PRKN: variants seen among roughly 807,000 people sequenced by gnomAD.
PRKN encodes the protein parkin RBR E3 ubiquitin protein ligase.
PRKN carries 56 observed loss-of-function variants against 59.5 expected under a neutral mutation model. That is an observed-to-expected ratio of 0.94 (90% CI 0.76 to 1.18). PRKN has a LOEUF of 1.18. Among genes scored for constraint, PRKN ranks in the 50% most tolerant of loss-of-function variants. The pLI is 0.00. For synonymous variants in PRKN, 250 were observed against 222.1 expected (o/e 1.13, Z -1.12); for missense variants, 657 against 596.4 (o/e 1.10, Z -1.06).
In PRKN at chr6:161,423,157, T is replaced by C. The variant is rs907731062; in HGVS notation, c.1084-36280A>G. 6.6e-6 allele frequency among the ~76,000 whole-genome samples: 1 copy of C among 152,170 alleles called. No individual in the cohort carries two copies. Among genetic ancestry groups the C allele is most frequent in the African/African-American group, 2.4e-5 (1 of 41,426 alleles). On this transcript the variant is annotated intron_variant, in intron 9 of 11. Transcript: ENST00000366898. The surrounding 1 kb of genome is among the most constrained non-coding windows in gnomAD (Gnocchi z 5.9). ...CTGCACTGGGTGTGAGATATCAGCA[T>C]CTTTAATGTATGCCAGCCTTGCATG...
chr6:162,661,143 C>T (rs1291780229), intron 1 of PRKN, among the ~76,000 whole-genome samples: 1 of 152,024 alleles, frequency 6.6e-6, no homozygotes, highest in Non-Finnish European at 1.5e-5. Context: ...TGCCTGTAGT[C>T]CCAGCTACTC....
At chr6:162,725,951 GGAGT>G (rs540238881) in intron 1 of PRKN, among the ~76,000 whole-genome samples, 17 of 152,244 alleles carry the variant, frequency 1.1e-4, no homozygotes, top group Admixed American at 1.3e-4. Context: ...AACCATGGCT[GGAGT>G]GAGAGAAATA....
At chr6:161,971,063 A>C (rs1341806285) in intron 6 of PRKN, among the ~76,000 whole-genome samples, 1 of 152,120 alleles carries the variant, frequency 6.6e-6, no homozygotes, top group Admixed American at 6.6e-5. Flanking sequence ...TATTCAATCA[A>C]GTGGTTGGTT....
Position 161,362,886 on chromosome 6 carries a change from T to A in PRKN, c.1168-2681A>T, listed in dbSNP as rs1333204250. Among the ~76,000 whole-genome samples, 5 of 152,102 alleles carry A rather than the reference T, an allele frequency of 3.3e-5. No individual in the cohort carries two copies. Among genetic ancestry groups the A allele is most frequent in the Non-Finnish European group, 1.5e-5 (1 of 68,036 alleles). On this transcript the variant is annotated intron_variant, in intron 10 of 11. Transcript: ENST00000366898. The surrounding 1 kb of genome is among the most constrained non-coding windows in gnomAD (Gnocchi z 5.2). The stretch of plus-strand genomic sequence containing the variant: ...AGAAAACTAGCTACATGAGTGAAAG[T>A]CACAGAATTACAGAAACTACAGAAT...
intron 3 of PRKN, among the ~76,000 whole-genome samples, chr6:162,234,645 T>C (rs1405781300): frequency 6.6e-6 from 1 of 152,188 alleles, no homozygotes; most frequent in African/African-American, 2.4e-5. Flanking sequence ...GTGCTAATAC[T>C]TTTCATATTT....
At chr6:162,082,256 G>A (rs11757662) in intron 4 of PRKN, among the ~76,000 whole-genome samples, 97 of 152,120 alleles carry the variant, frequency 6.4e-4, no homozygotes, top group South Asian at 2.1e-4. Flanking sequence ...CTCTCTTCTC[G>A]TCGGGCACCA....
chr6:161,658,606 G>A (rs970201361), intron 7 of PRKN, among the ~76,000 whole-genome samples: 5 of 152,040 alleles, frequency 3.3e-5, no homozygotes, highest in Non-Finnish European at 4.4e-5. Flanking sequence ...TGTCTTTACC[G>A]GTACAAAAAA....
chr6:161,710,328 T>G (rs1238453474), intron 7 of PRKN, among the ~76,000 whole-genome samples: 1 of 152,190 alleles, frequency 6.6e-6, no homozygotes, highest in Non-Finnish European at 1.5e-5. Context: ...CTCATTCACT[T>G]CCCATGGGGT....
At chr6:162,453,228 C>T (rs1251840658) in intron 1 of PRKN, among the ~76,000 whole-genome samples, 1 of 152,154 alleles carries the variant, frequency 6.6e-6, no homozygotes, top group Non-Finnish European at 1.5e-5. Context: ...GGTCTTAGAA[C>T]ATAGCAACTG....
chr6:162,659,467 TCTTA>T (rs1321141587), intron 1 of PRKN, among the ~76,000 whole-genome samples: 4 of 152,178 alleles, frequency 2.6e-5, no homozygotes, highest in African/African-American at 7.2e-5. Flanking sequence ...GTTCTCTAGC[TCTTA>T]CTAAGAGATT....
chr6:162,093,831 C>T (rs1489337296), intron 4 of PRKN, among the ~76,000 whole-genome samples: 1 of 152,156 alleles, frequency 6.6e-6, no homozygotes, highest in Non-Finnish European at 1.5e-5. Flanking sequence ...GGGACAAAGC[C>T]GTGGTCTTCC....
At chr6:162,133,957 T>G (rs1408923385) in intron 4 of PRKN, among the ~76,000 whole-genome samples, 1 of 152,100 alleles carries the variant, frequency 6.6e-6, no homozygotes, top group East Asian at 1.9e-4. Context: ...AGAGAGAATT[T>G]GGGTAGTAGA....
chr6:162,223,644 CACACACACACACACACA>C lies in PRKN; in HGVS notation c.413-22409_413-22393del, dbSNP rs1381495939. On this transcript the variant is annotated intron_variant, in intron 3 of 11. Coordinates refer to ENST00000366898, the MANE Select transcript of PRKN (RefSeq NM_004562.3). The stretch of plus-strand genomic sequence containing the variant: ...ACACACACACACACACACACACACA[CACACACACACACACACA>C]AACATAATGCTCCAGAAACAGCACA... Among the ~76,000 whole-genome samples, 343 of 103,120 alleles carry C rather than the reference CACACACACACACACACA, an allele frequency of 3.3e-3. 2 individuals carry two copies. The highest frequency in any genetic ancestry group is 0.017 in the African/African-American group (310 of 18,086). 67.7% of individuals were successfully genotyped at this position (103,120 alleles called of 152,430 possible).
rs534707226 is a variant in PRKN, at chr6:161,474,824, G to A, written c.1083+74030C>T. ...TCACCATGTTGGCCAGGATGGTCTC[G>A]ATCTCCTGACCTCGTAATCCACCTG... On this transcript the variant is annotated intron_variant, in intron 9 of 11. Coordinates refer to ENST00000366898, the MANE Select transcript of PRKN (RefSeq NM_004562.3). 2.6e-5 allele frequency among the ~76,000 whole-genome samples: 4 copies of A among 151,620 alleles called. No individual in the cohort carries two copies. In the East Asian group the frequency reaches 5.9e-4, roughly 22 times the overall value.
Position 161,581,397 on chromosome 6 carries a change from G to A in PRKN, c.872-11981C>T, listed in dbSNP as rs1781333784. Among the ~76,000 whole-genome samples the A allele has an allele frequency of 6.6e-6, 1 of 152,142 alleles. No homozygotes were observed. Among genetic ancestry groups the A allele is most frequent in the Admixed American group, 6.5e-5 (1 of 15,272 alleles). ...CTGTTTTTGTGTTTGGTTATTTAGTGACTTTAAAAATGTCAATTAACTACC... is the reference window on the plus strand; with the variant it reads ...CTGTTTTTGTGTTTGGTTATTTAGTAACTTTAAAAATGTCAATTAACTACC... On this transcript the variant is annotated intron_variant, in intron 7 of 11. Coordinates refer to ENST00000366898, the MANE Select transcript of PRKN (RefSeq NM_004562.3). This position sits in a 1 kb window ranked among gnomAD's most constrained non-coding sequence, Gnocchi z 4.5.
chr6:162,692,962 T>C (rs542674257), intron 1 of PRKN, among the ~76,000 whole-genome samples: 59 of 152,280 alleles, frequency 3.9e-4, no homozygotes, highest in Admixed American at 1.1e-3. Context: ...TTCAGACACC[T>C]AATATCTATC....
chr6:162,009,911 G>A (rs1016982986), intron 5 of PRKN, among the ~76,000 whole-genome samples: 2 of 151,540 alleles, frequency 1.3e-5, no homozygotes, highest in African/African-American at 4.9e-5. Context: ...ACTCCAGCCT[G>A]GGTGACAGAG....
intron 2 of PRKN, among the ~76,000 whole-genome samples, chr6:162,428,432 TAAAC>T (rs1485655765): frequency 6.6e-6 from 1 of 151,396 alleles, no homozygotes; most frequent in Admixed American, 6.6e-5. Context: ...AACAGACAGA[TAAAC>T]AAACTTCCTA....
intron 1 of PRKN, among the ~76,000 whole-genome samples, chr6:162,589,229 A>G (rs13212137): frequency 0.1 from 15,565 of 152,224 alleles, 943 homozygotes; most frequent in Middle Eastern, 0.19. Context: ...ACATGGGGTC[A>G]TACCTACGCA....
Sources: gnomAD v4.1 joint callset for allele counts (sites outside exome capture counted in the v4.1 genomes callset) on GRCh38, gnomAD v4.1.1 for gene constraint, Gnocchi (gnomAD v3.1) non-coding constraint, MANE v1.5 for transcripts, NCBI Gene and HGNC (gene_info 2026-07-23, HGNC 2026-07-21) for gene names.